Variants in ZNF536 observed in about 807,000 individuals in gnomAD.
The protein encoded by ZNF536 is zinc finger protein 536.
In ZNF536, 13 loss-of-function variants were observed where a neutral mutation model predicts 84.5. That is an observed-to-expected ratio of 0.15 (90% CI 0.10 to 0.24). The LOEUF is 0.24. Ranked by LOEUF, ZNF536 falls within the 10% of genes least tolerant of loss-of-function variation. The pLI is 1.00. For synonymous variants in ZNF536, 811 were observed against 742.5 expected, an observed-to-expected ratio of 1.09 and a Z score of -1.50; for missense variants, 1,536 against 1,747.5, an observed-to-expected ratio of 0.88 and a Z score of 2.16.
At chr19:30,284,026 C>T (rs1600068152) in intron 1 of ZNF536, 2 of 152,186 alleles carry the variant, frequency 1.3e-5, no homozygotes, top group Non-Finnish European at 2.9e-5. Context: ...TTACTGAAGT[C>T]GACTTATGTG....
upstream of ZNF536, among the ~76,000 whole-genome samples, chr19:30,369,019 A>C (rs975701164): frequency 5.9e-5 from 9 of 152,162 alleles, no homozygotes; most frequent in East Asian, 3.9e-4. Flanking sequence ...TAAATTTAGC[A>C]AACTTGTTGT....
intron 2 of ZNF536, among the ~76,000 whole-genome samples, chr19:30,317,929 T>C (rs10415352): frequency 0.011 from 1,601 of 152,354 alleles, 28 homozygotes; most frequent in African/African-American, 0.036. Context: ...ATATAAATAT[T>C]TGCTTTCTAG....
upstream of ZNF536, among the ~76,000 whole-genome samples, chr19:30,225,803 C>T (rs2022581371): frequency 1.3e-5 from 2 of 150,808 alleles, no homozygotes; most frequent in African/African-American, 2.4e-5. Flanking sequence ...GGACTCTTGG[C>T]GCGGCCCCCC....
Position 30,271,126 on chromosome 19 carries a change from G to A in ZNF536, c.-189-12946G>A, listed in dbSNP as rs971199925. 4.6e-5 allele frequency among the ~76,000 whole-genome samples: 7 copies of A among 152,030 alleles called. No individual in the cohort carries two copies. In the East Asian group the frequency reaches 1.4e-3, roughly 29 times the overall value. ...GTTAGGTTGGAATTTTCTGGGATAG[G>A]AACTTTACCATGCAATAGGCAAAGA... On this transcript the variant is annotated intron_variant, in intron 1 of 5. Coordinates refer to the ZNF536 transcript ENST00000585628.
At chr19:30,663,805 G>A (rs1028903626) in intron 1 of ZNF536, among the ~76,000 whole-genome samples, 12 of 152,108 alleles carry the variant, frequency 7.9e-5, no homozygotes, top group Middle Eastern at 3.2e-3. Context: ...GTCCATGATC[G>A]TGGAATTAAA....
chr19:30,543,602 C>T (rs1401402690), intron 3 of ZNF536, among the ~76,000 whole-genome samples: 1 of 152,218 alleles, frequency 6.6e-6, no homozygotes, highest in Admixed American at 6.5e-5. Context: ...AAGAGCACAT[C>T]CAGATGCAGA....
intron 1 of ZNF536, among the ~76,000 whole-genome samples, chr19:30,703,610 T>C (rs1218664058): frequency 6.6e-6 from 1 of 152,170 alleles, no homozygotes; most frequent in African/African-American, 2.4e-5. Context: ...TAAGCTTTCA[T>C]GGTGCTACCT....
At position 30,548,115 on chromosome 19, in the gene ZNF536, C is replaced by A. The variant is rs1002014455; in HGVS notation, c.2496C>A (p.Phe832Leu). The A allele has an allele frequency of 5.6e-6, 9 of 1,613,958 alleles. No individual in the cohort carries two copies. In the African/African-American group the frequency reaches 1.2e-4, roughly 22 times the overall value. The part of the protein sequence containing the change: ...KDEMSSKASL[F>L]IRPDILRGAF... Reference sequence around the variant, plus strand: ...AGATGTCAAGCAAAGCTTCTCTGTTCATCAGGCCAGACATCCTGAGGGGGG... The same window carrying A: ...AGATGTCAAGCAAAGCTTCTCTGTTAATCAGGCCAGACATCCTGAGGGGGG... The change falls in exon 4 of 5, where the codon TTC becomes TTA. Residue 832 changes from phenylalanine to leucine, a missense_variant. Around this residue, in one of 8 missense-constraint regions of ZNF536, gnomAD observed 624 missense variants for 603.1 expected, o/e 1.03. Transcript: ENST00000355537.
At chr19:30,559,542 A>G (rs2046083131), downstream of ZNF536, among the ~76,000 whole-genome samples, 2 of 152,296 alleles carry the variant, frequency 1.3e-5, no homozygotes, top group South Asian at 4.2e-4. Context: ...GGCTGAGCAC[A>G]CTGTTCCTGG....
At chr19:30,706,641 AT>A (rs1213809270) in intron 1 of ZNF536, among the ~76,000 whole-genome samples, 1 of 152,210 alleles carries the variant, frequency 6.6e-6, no homozygotes, top group Non-Finnish European at 1.5e-5. Context: ...CTGCTGGCCT[AT>A]TTGGATCATG....
At chr19:30,372,985 C>T (rs545585135) in intron 1 of ZNF536, among the ~76,000 whole-genome samples, 1 of 152,172 alleles carries the variant, frequency 6.6e-6, no homozygotes, top group Non-Finnish European at 1.5e-5. Flanking sequence ...GAATTCTGAG[C>T]TCCAAATTTT....
chr19:30,323,032 C>T lies in ZNF536; in HGVS notation c.-119-29336C>T, dbSNP rs1344494107. ...AAGACCCAGTCCTGAGAAGCAAAGCCAAGACCCTGGGGCCCTGGAGGCTCC... is the reference window on the plus strand; with the variant it reads ...AAGACCCAGTCCTGAGAAGCAAAGCTAAGACCCTGGGGCCCTGGAGGCTCC... On this transcript the variant is annotated intron_variant, in intron 2 of 5. Coordinates refer to the ZNF536 transcript ENST00000585628. Among the ~76,000 whole-genome samples the T allele has an allele frequency of 2.0e-5, 3 of 152,176 alleles. No homozygotes were observed. In the South Asian group the frequency reaches 6.2e-4, roughly 32 times the overall value.
intron 1 of ZNF536, among the ~76,000 whole-genome samples, chr19:30,709,594 A>C (rs16964556): frequency 0.36 from 55,166 of 152,112 alleles, 10,394 homozygotes; most frequent in East Asian, 0.56. Context: ...GCTCGTGGAC[A>C]AAATCTAACT....
rs2146251340 is a variant in ZNF536 at position 30,549,336 on chromosome 19, C to T, written c.3717C>T (p.Leu1239=). The change falls in exon 4 of 5, where the codon CTC becomes CTT. Residue 1239 remains leucine, a synonymous_variant. Coordinates refer to ENST00000355537, the MANE Select transcript of ZNF536 (RefSeq NM_014717.3). ...PEKQWHSQGL[L]QAQDPLAGLP... ...AGCAGTGGCACAGCCAGGGTCTTCT[C>T]CAAGCCCAGGACCCCTTGGCGGGCC... The T allele has an allele frequency of 3.7e-6, 6 of 1,609,310 alleles. No homozygotes were observed. The highest frequency in any genetic ancestry group is 1.3e-5 in the African/African-American group (1 of 75,008).
chr19:30,630,609 C>A (rs1008389770), intron 1 of ZNF536, among the ~76,000 whole-genome samples: 18 of 152,276 alleles, frequency 1.2e-4, no homozygotes, highest in African/African-American at 4.1e-4. Context: ...GAGAGAGGAG[C>A]TTTGAAAAAT....
intron 1 of ZNF536, among the ~76,000 whole-genome samples, chr19:30,613,497 T>C (rs2048174373): frequency 1.3e-5 from 2 of 152,140 alleles, no homozygotes; most frequent in Admixed American, 1.3e-4. Flanking sequence ...TGCACTGATA[T>C]TTATTTTATT....
At position 30,444,566 on chromosome 19, in the gene ZNF536, A is replaced by G. The variant is rs749778403; in HGVS notation, c.1004A>G (p.Asn335Ser). 2.5e-6 allele frequency: 4 copies of G among 1,613,614 alleles called. No homozygotes were observed. The highest frequency in any genetic ancestry group is 3.3e-5 in the Admixed American group (2 of 60,030). The stretch of plus-strand genomic sequence containing the variant: ...GAGTCGGCCCAGGGCCAGGGCCCCA[A>G]CGGCGGTGGCGAGCAGTCGGCCAAC... ...TAESAQGQGP[N>S]GGGEQSANEF... Residue 335 changes from asparagine to serine, a missense_variant, in exon 2 of 5, where the codon AAC (asparagine) becomes AGC (serine). Asn to Ser is a conservative substitution (Grantham distance 46). Coordinates refer to ENST00000355537, the MANE Select transcript of ZNF536 (RefSeq NM_014717.3).
chr19:30,677,108 A>G (rs10518276), intron 1 of ZNF536, among the ~76,000 whole-genome samples: 62,501 of 152,162 alleles, frequency 0.41, 13,258 homozygotes, highest in East Asian at 0.47. Flanking sequence ...CTTCTTAACA[A>G]TTATGAGCCC....
At chr19:30,662,189 G>A (rs376248653) in intron 1 of ZNF536, among the ~76,000 whole-genome samples, 67 of 152,176 alleles carry the variant, frequency 4.4e-4, no homozygotes, top group Middle Eastern at 3.4e-3. Context: ...GCTGGGATGG[G>A]CCCCCCAGAA....
Sources: gnomAD v4.1 joint callset for allele counts (sites outside exome capture counted in the v4.1 genomes callset) on GRCh38, gnomAD v4.1.1 for gene constraint, gnomAD v4.1.1 regional missense constraint, MANE v1.5 for transcripts, NCBI Gene and HGNC (gene_info 2026-07-23, HGNC 2026-07-21) for gene names.